Variants in CACNA2D1 observed in about 807,000 individuals in gnomAD.
The protein encoded by CACNA2D1 is calcium voltage-gated channel auxiliary subunit alpha2delta 1, also known as voltage-dependent calcium channel subunit alpha-2/delta-1.
CACNA2D1 carries 53 observed loss-of-function variants against 171.5 expected under a neutral mutation model. The observed-to-expected ratio is 0.31, with a 90% CI of 0.25 to 0.39. The LOEUF (loss-of-function observed/expected upper bound fraction) is 0.39. Ranked by LOEUF, CACNA2D1 falls within the 10% of genes least tolerant of loss-of-function variation. The pLI, the probability that CACNA2D1 is intolerant of heterozygous loss-of-function variation, is 1.00. For missense variants in CACNA2D1, 903 were observed against 1,299.8 expected, an observed-to-expected ratio of 0.69 and a Z score of 4.69; for synonymous variants, 442 against 443.1, an observed-to-expected ratio of 1.00 and a Z score of 0.03.
At chr7:82,443,786 C>T (rs1230138813), upstream of CACNA2D1, 1 of 970,872 alleles carries the variant, frequency 1.0e-6, no homozygotes. Context: ...CTCTCCCTCT[C>T]GGTTTCCTCC....
At chr7:82,313,857 T>C (rs1415878655) in intron 3 of CACNA2D1, among the ~76,000 whole-genome samples, 7 of 152,220 alleles carry the variant, frequency 4.6e-5, no homozygotes, top group Non-Finnish European at 8.8e-5. Flanking sequence ...TTTCTCATTC[T>C]CATATTTCCT....
intron 1 of CACNA2D1, among the ~76,000 whole-genome samples, chr7:82,358,851 T>C (rs144752678): frequency 3.9e-5 from 6 of 152,296 alleles, no homozygotes; most frequent in Non-Finnish European, 8.8e-5. Context: ...CTATCTTGGA[T>C]TGATTTTTGT....
At chr7:82,084,690 G>A (rs1411870083) in intron 7 of CACNA2D1, 79 bp downstream of exon 7, 2 of 1,462,902 alleles carry the variant, frequency 1.4e-6, no homozygotes, top group African/African-American at 1.4e-5. Flanking sequence ...TTTTCTTACA[G>A]TATCAGGGAA....
At chr7:82,294,698 T>C (rs903492200) in intron 3 of CACNA2D1, among the ~76,000 whole-genome samples, 1 of 152,130 alleles carries the variant, frequency 6.6e-6, no homozygotes, top group African/African-American at 2.4e-5. Flanking sequence ...TTAAAGCAGT[T>C]ATATATCTGA....
At chr7:82,149,023 TTTG>T (rs1356594296) in intron 4 of CACNA2D1, among the ~76,000 whole-genome samples, 1 of 152,130 alleles carries the variant, frequency 6.6e-6, no homozygotes, top group East Asian at 1.9e-4. Flanking sequence ...ACATCACTGG[TTTG>T]TTGTATTGAT....
intron 34 of CACNA2D1, 75 bp downstream of exon 34, chr7:81,963,981 C>G: frequency 8.2e-7 from 1 of 1,218,966 alleles, no homozygotes; most frequent in South Asian, 1.3e-5. Flanking sequence ...CCCCTAAATC[C>G]ATATTTTCAT....
rs1173903275 is a variant in CACNA2D1 at position 82,443,672 on chromosome 7, G to A, written c.-213C>T. 1 of 1,247,180 alleles carries A rather than the reference G, an allele frequency of 8.0e-7. No individual in the cohort carries two copies. The highest frequency in any genetic ancestry group is 1.0e-6 in the Non-Finnish European group (1 of 1,000,046). The allele number at this position is 1,247,180 out of a possible 1,614,324, so 77.3% of individuals were successfully genotyped here. A position where few individuals can be genotyped will look rare whatever the true frequency, so the allele number is the denominator to read the frequency against. On this transcript the variant is annotated 5_prime_UTR_variant, in exon 1 of 39. Transcript: ENST00000356860. ...GGGGCGGTGGCGGGCGGACCCACTA[G>A]CGTGCGTCGGCTGCTCCGCGCCGCG...
chr7:82,150,644 T>A (rs1205640909), intron 4 of CACNA2D1, among the ~76,000 whole-genome samples: 1 of 152,120 alleles, frequency 6.6e-6, no homozygotes, highest in Non-Finnish European at 1.5e-5. Flanking sequence ...ACCTACCAAA[T>A]ACAAGCTGGC....
At chr7:82,063,585 A>G (rs1016095214) in intron 9 of CACNA2D1, among the ~76,000 whole-genome samples, 4 of 151,836 alleles carry the variant, frequency 2.6e-5, no homozygotes, top group African/African-American at 9.7e-5. Context: ...TCAGGGAAAA[A>G]CATGAGCATT....
chr7:81,961,704 T>C (rs186006421), intron 36 of CACNA2D1, among the ~76,000 whole-genome samples, 190 bp downstream of exon 36: 81 of 152,074 alleles, frequency 5.3e-4, no homozygotes, highest in Admixed American at 2.3e-3. Context: ...ATTACAAATT[T>C]TAAAAGTCTA....
intron 3 of CACNA2D1, among the ~76,000 whole-genome samples, chr7:82,318,696 A>C (rs1815413467): frequency 6.6e-6 from 1 of 152,192 alleles, no homozygotes; most frequent in Admixed American, 6.5e-5. Context: ...ATGTAAAATA[A>C]AACAGTAATA....
intron 34 of CACNA2D1, 114 bp from the exon 35 acceptor site, chr7:81,962,609 A>C (rs1473983799): frequency 2.8e-6 from 2 of 711,254 alleles, no homozygotes; most frequent in Non-Finnish European, 4.9e-6. Flanking sequence ...AAAGTCTTGG[A>C]GTGTTTTTAT....
chr7:82,083,827 T>C (rs1001180606), intron 7 of CACNA2D1, among the ~76,000 whole-genome samples: 12 of 152,140 alleles, frequency 7.9e-5, no homozygotes, highest in Admixed American at 2.0e-4. Context: ...TCCAAACTTA[T>C]ATATTTTCTA....
At chr7:82,273,390 A>G (rs1808892418) in intron 3 of CACNA2D1, among the ~76,000 whole-genome samples, 1 of 151,758 alleles carries the variant, frequency 6.6e-6, no homozygotes, top group Non-Finnish European at 1.5e-5. Flanking sequence ...AGTCATAGGT[A>G]CTGGCATATA....
chr7:82,263,913 G>C (rs77984068), intron 3 of CACNA2D1, among the ~76,000 whole-genome samples: 18 of 151,778 alleles, frequency 1.2e-4, no homozygotes, highest in African/African-American at 4.3e-4. Flanking sequence ...CTGAGATAAG[G>C]CTATAAATAA....
At chr7:82,405,374 A>T (rs115967827) in intron 1 of CACNA2D1, among the ~76,000 whole-genome samples, 43 of 152,322 alleles carry the variant, frequency 2.8e-4, no homozygotes, top group African/African-American at 9.6e-4. Flanking sequence ...TATCTAACTA[A>T]ATTAAGGCAT....
chr7:82,341,004 C>T (rs749011206), intron 2 of CACNA2D1, among the ~76,000 whole-genome samples: 1 of 152,094 alleles, frequency 6.6e-6, no homozygotes, highest in African/African-American at 2.4e-5. Context: ...CTTCAGATAC[C>T]CACAAAATCA....
intron 3 of CACNA2D1, among the ~76,000 whole-genome samples, chr7:82,291,030 C>T (rs1329061769): frequency 6.9e-6 from 1 of 145,552 alleles, no homozygotes; most frequent in Non-Finnish European, 1.5e-5. Flanking sequence ...AGATGGAGTA[C>T]AGTGGTGCAA....
chr7:82,415,092 A>G (rs773675362), intron 1 of CACNA2D1, among the ~76,000 whole-genome samples: 13 of 152,176 alleles, frequency 8.5e-5, no homozygotes, highest in Non-Finnish European at 1.6e-4. Flanking sequence ...GAATTATCCT[A>G]TTCACCCATT....
Sources: allele counts gnomAD v4.1 joint callset (sites outside exome capture counted in the v4.1 genomes callset), GRCh38; gene constraint gnomAD v4.1.1; transcripts MANE v1.5; gene names NCBI Gene and HGNC (gene_info 2026-07-23, HGNC 2026-07-21).